The following HECW1 variants were observed in gnomAD, a reference collection of about 807,000 sequenced individuals.
HECW1 encodes the protein HECT, C2 and WW domain containing E3 ubiquitin protein ligase 1, also known as E3 ubiquitin-protein ligase HECW1.
HECW1 carries 61 observed loss-of-function variants against 182.3 expected under a neutral mutation model. The observed-to-expected ratio is 0.33, with a 90% CI of 0.27 to 0.41. The LOEUF (loss-of-function observed/expected upper bound fraction) is 0.41. Ranked by LOEUF, HECW1 falls within the 10% of genes least tolerant of loss-of-function variation. The probability of loss-of-function intolerance (pLI) is 1.00; values close to 1 mark genes in which losing one functional copy is unlikely to be tolerated. For missense variants in HECW1, 1,739 were observed against 2,108.9 expected (o/e 0.82, Z 3.44); for synonymous variants, 859 against 832.6 (o/e 1.03, Z -0.55).
At chr7:43,450,786 G>A (rs375925721) in intron 11 of HECW1, 42 bp from the exon 12 acceptor site, 16 of 1,235,712 alleles carry the variant, frequency 1.3e-5, no homozygotes, top group African/African-American at 4.5e-5. Flanking sequence ...ATGTTGCCAC[G>A]GCAGTGAATG....
At chr7:43,365,152 G>A (rs1260007858) in intron 6 of HECW1, among the ~76,000 whole-genome samples, 1 of 152,252 alleles carries the variant, frequency 6.6e-6, no homozygotes, top group Non-Finnish European at 1.5e-5. Context: ...GGGAGTGGGG[G>A]CCCTCCCTTT....
intron 2 of HECW1, among the ~76,000 whole-genome samples, chr7:43,201,056 G>C (rs1483505801): frequency 1.3e-5 from 2 of 152,218 alleles, no homozygotes; most frequent in African/African-American, 2.4e-5. Flanking sequence ...GGATATTTGT[G>C]ATAGGGGAGG....
At chr7:43,410,915 TG>T (rs2075780146) in intron 8 of HECW1, among the ~76,000 whole-genome samples, 1 of 152,136 alleles carries the variant, frequency 6.6e-6, no homozygotes, top group African/African-American at 2.4e-5. Flanking sequence ...AATCTAAATA[TG>T]GGTTTATTAA....
At chr7:43,501,404 T>G in intron 21 of HECW1, 82 bp downstream of exon 21, 3 of 769,356 alleles carry the variant, frequency 3.9e-6, no homozygotes, top group Non-Finnish European at 6.9e-6. Flanking sequence ...GGCAACTGTA[T>G]GTGTGTGTTC....
At chr7:43,208,888 G>C (rs1795735599) in intron 2 of HECW1, among the ~76,000 whole-genome samples, 1 of 152,154 alleles carries the variant, frequency 6.6e-6, no homozygotes, top group African/African-American at 2.4e-5. Flanking sequence ...CACACTCTTG[G>C]AGGCTGAGGC....
chr7:43,552,105 C>CA (rs1274692906), intron 27 of HECW1, 117 bp from the exon 28 acceptor site: 5 of 671,346 alleles, frequency 7.4e-6, no homozygotes, highest in Non-Finnish European at 1.4e-5. Flanking sequence ...ATTACAGACT[C>CA]AAAAAAAGTA....
intron 3 of HECW1, among the ~76,000 whole-genome samples, chr7:43,278,994 A>G (rs1405095178): frequency 6.6e-6 from 1 of 152,238 alleles, no homozygotes; most frequent in Non-Finnish European, 1.5e-5. Context: ...TGCCTAGCAT[A>G]GTCCCTGGCT....
Position 43,166,436 on chromosome 7 carries a change from C to A in HECW1, c.-32+52045C>A, listed in dbSNP as rs1353136746. On this transcript the variant is annotated intron_variant, in intron 2 of 29. Transcript: ENST00000395891. ...GTGAGTGATAAGCTAGATGCCTACC[C>A]AAGCTATAATAGTATTAGGATCTAG... Among the ~76,000 whole-genome samples, 3 of 152,088 alleles carry A rather than the reference C, an allele frequency of 2.0e-5. No individual in the cohort carries two copies. In the East Asian group the frequency reaches 5.8e-4, roughly 29 times the overall value.
chr7:43,320,480 G>T (rs1187544063), intron 4 of HECW1, among the ~76,000 whole-genome samples, 155 bp from the exon 5 acceptor site: 2 of 152,204 alleles, frequency 1.3e-5, no homozygotes, highest in Non-Finnish European at 2.9e-5. Context: ...ATGGCGTCTT[G>T]GGGTGCTTCC....
At chr7:43,196,464 T>C (rs1794469494) in intron 2 of HECW1, among the ~76,000 whole-genome samples, 1 of 152,226 alleles carries the variant, frequency 6.6e-6, no homozygotes, top group Non-Finnish European at 1.5e-5. Flanking sequence ...AAGTGAACCA[T>C]GCTTTGATGA....
intron 13 of HECW1, among the ~76,000 whole-genome samples, chr7:43,462,185 A>G (rs578000547): frequency 1.3e-4 from 20 of 151,916 alleles, no homozygotes; most frequent in African/African-American, 4.8e-4. Context: ...CTTGTCTCTC[A>G]TCCTCCTCCT....
At chr7:43,486,552 C>T (rs531366785) in intron 17 of HECW1, among the ~76,000 whole-genome samples, 27 of 152,310 alleles carry the variant, frequency 1.8e-4, no homozygotes, top group South Asian at 6.2e-4. Flanking sequence ...CCACCTGCCT[C>T]GGCCTCCCAA....
Position 43,552,326 on chromosome 7 carries a change from G to A in HECW1, c.4500G>A (p.Glu1500=). ...IDLNDWRNNT[E]YRGGYHDGHL... ...TAAATGACTGGCGGAATAACACTGA[G>A]TACCGGGGAGGTGAGTGGGCAGGAG... Residue 1500 remains glutamate (E), a synonymous_variant, in exon 28 of 30, where the codon GAG becomes GAA. Transcript: ENST00000395891. 1 of 1,604,822 alleles carries A rather than the reference G, an allele frequency of 6.2e-7. No individual in the cohort carries two copies. Among genetic ancestry groups the A allele is most frequent in the South Asian group, 1.1e-5 (1 of 90,910 alleles).
intron 10 of HECW1, among the ~76,000 whole-genome samples, chr7:43,443,433 C>A (rs1259411950): frequency 6.6e-6 from 1 of 152,232 alleles, no homozygotes; most frequent in Non-Finnish European, 1.5e-5. Context: ...TTTCTATATT[C>A]TGAGAATACA....
At chr7:43,396,623 G>A (rs1013613916) in intron 6 of HECW1, 191 bp from the exon 7 acceptor site, 2 of 506,044 alleles carry the variant, frequency 4.0e-6, no homozygotes, top group Non-Finnish European at 7.1e-6. Flanking sequence ...ACCCCCACTA[G>A]CAGATCCTCT....
chr7:43,326,323 G>A (rs569885041), intron 5 of HECW1, among the ~76,000 whole-genome samples: 1 of 152,330 alleles, frequency 6.6e-6, no homozygotes, highest in East Asian at 1.9e-4. Context: ...CCTCACACAG[G>A]TAGGGGCTGT....
At chr7:43,247,340 A>G (rs558587527) in intron 3 of HECW1, among the ~76,000 whole-genome samples, 1 of 152,190 alleles carries the variant, frequency 6.6e-6, no homozygotes, top group Non-Finnish European at 1.5e-5. Context: ...GATCATAACA[A>G]CTTCTCATGT....
At chr7:43,389,453 T>C (rs1282115652) in intron 6 of HECW1, among the ~76,000 whole-genome samples, 2 of 152,212 alleles carry the variant, frequency 1.3e-5, no homozygotes, top group African/African-American at 2.4e-5. Flanking sequence ...CTCAGTACAA[T>C]GTATGTCCTC....
intron 3 of HECW1, among the ~76,000 whole-genome samples, chr7:43,277,494 T>C (rs1391242048): frequency 6.6e-6 from 1 of 152,096 alleles, no homozygotes; most frequent in Non-Finnish European, 1.5e-5. Context: ...CAACCAAAAA[T>C]AGAAACTAAG....
Sources: allele counts gnomAD v4.1 joint callset (sites outside exome capture counted in the v4.1 genomes callset), GRCh38; gene constraint gnomAD v4.1.1; transcripts MANE v1.5; gene names NCBI Gene and HGNC (gene_info 2026-07-23, HGNC 2026-07-21).